ABL2: variants seen among roughly 807,000 people sequenced by gnomAD.
ABL2 encodes the protein ABL proto-oncogene 2, non-receptor tyrosine kinase.
In ABL2, 49 loss-of-function variants were observed where a neutral mutation model predicts 107.7. The ratio of observed to expected loss-of-function variants is 0.45; its 90% CI spans 0.36 to 0.58. The LOEUF (loss-of-function observed/expected upper bound fraction) is 0.58, where lower values mean the gene tolerates loss of function less well. Among genes scored for constraint, ABL2 ranks in the 20% least tolerant of loss-of-function variants. The pLI is 0.00. For synonymous variants in ABL2, 549 were observed against 548.6 expected (o/e 1.00, Z -0.01); for missense variants, 1,245 against 1,457.0 (o/e 0.85, Z 2.37).
Position 179,108,899 on chromosome 1 carries a change from C to T in ABL2, c.2368G>A (p.Gly790Arg), listed in dbSNP as rs1653752799. 6.2e-7 allele frequency: 1 copy of T among 1,614,148 alleles called. No homozygotes were observed. Among genetic ancestry groups the T allele is most frequent in the Non-Finnish European group, 8.5e-7 (1 of 1,180,032 alleles). Residue 790 changes from glycine to arginine, a missense_variant, in exon 12 of 12, where the codon GGG becomes AGG. Physicochemically the swap from Gly to Arg is moderately radical, Grantham distance 125 (BLOSUM62 -2). Coordinates refer to ENST00000502732, the MANE Select transcript of ABL2 (RefSeq NM_007314.4). ...RSNSTSSMSS[G>R]LPEQDRMAMT... ...GCCATCCTATCCTGCTCTGGAAGCC[C>T]TGAGGACATGGAAGATGTAGAGTTT...
rs1663420071 is a variant in ABL2 at position 179,229,349 on chromosome 1, G to A, written c.49C>T (p.Pro17Ser). The change falls in exon 1 of 12, where the codon CCT (proline) becomes TCT (serine). Residue 17 changes from proline to serine, a missense_variant. Physicochemically the swap from Pro to Ser is moderately conservative, Grantham distance 74. Transcript: ENST00000502732. ...RVGEAPGLQQPQPRGIRGSSA... is the reference protein window; with the variant it reads ...RVGEAPGLQQSQPRGIRGSSA... ...CTGCCCCGGATCCCGCGGGGCTGAG[G>A]CTGCTGGAGCCCCGGAGCTTCCCCG... 1.3e-6 allele frequency: 2 copies of A among 1,582,622 alleles called. No homozygotes were observed. Among genetic ancestry groups the A allele is most frequent in the East Asian group, 2.4e-5 (1 of 42,288 alleles).
chr1:179,144,317 C>T (rs576672828), intron 1 of ABL2, among the ~76,000 whole-genome samples: 5 of 151,736 alleles, frequency 3.3e-5, no homozygotes, highest in African/African-American at 7.2e-5. Flanking sequence ...AAAATTAGCC[C>T]GGCATGGTGG....
intron 1 of ABL2, among the ~76,000 whole-genome samples, chr1:179,172,536 T>C (rs1659780887): frequency 6.6e-6 from 1 of 152,184 alleles, no homozygotes; most frequent in Non-Finnish European, 1.5e-5. Flanking sequence ...CCTTAGAATG[T>C]AAAGATAATC....
At chr1:179,184,809 C>CT (rs2102806830) in intron 1 of ABL2, among the ~76,000 whole-genome samples, 1 of 152,110 alleles carries the variant, frequency 6.6e-6, no homozygotes, top group Admixed American at 6.5e-5. Context: ...CTTGAGGTCT[C>CT]TTTTCTATAC....
rs764427250 is a variant in ABL2, at chr1:179,126,489, T to C, written c.575A>G (p.Asn192Ser). 1.5e-5 allele frequency: 24 copies of C among 1,614,164 alleles called. No individual in the cohort carries two copies. Among genetic ancestry groups the C allele is most frequent in the East Asian group, 4.5e-5 (2 of 44,866 alleles). The change falls in exon 4 of 12, where the codon AAT (asparagine) becomes AGT (serine). Residue 192 changes from asparagine to serine, a missense_variant. Physicochemically the swap from Asn to Ser is conservative, Grantham distance 46 (BLOSUM62 1). Coordinates refer to ENST00000502732, the MANE Select transcript of ABL2 (RefSeq NM_007314.4). The surrounding 1 kb of genome is among the most constrained non-coding windows in gnomAD (Gnocchi z 4.4). ...AAEYLLSSLI[N>S]GSFLVRESES... ...ACTTTCTCGCACCAGGAAGCTGCCATTGATTAGACTGCTGAGCAGATACTC... is the reference window on the plus strand; with the variant it reads ...ACTTTCTCGCACCAGGAAGCTGCCACTGATTAGACTGCTGAGCAGATACTC...
At chr1:179,199,424 C>T (rs1298600487) in intron 1 of ABL2, among the ~76,000 whole-genome samples, 1 of 152,172 alleles carries the variant, frequency 6.6e-6, no homozygotes, top group East Asian at 1.9e-4. Context: ...TACTAATCTT[C>T]CTATGCAACC....
At chr1:179,188,756 G>C (rs1161005046) in intron 1 of ABL2, among the ~76,000 whole-genome samples, 1 of 152,136 alleles carries the variant, frequency 6.6e-6, no homozygotes, top group Non-Finnish European at 1.5e-5. Flanking sequence ...TAGGTGCTCA[G>C]TAACTGTTGA....
chr1:179,186,379 G>T (rs1243601287), intron 1 of ABL2, among the ~76,000 whole-genome samples: 12 of 151,902 alleles, frequency 7.9e-5, no homozygotes, highest in African/African-American at 1.2e-4. Flanking sequence ...CTTCTTTTTT[G>T]TTGTTGTTGT....
intron 6 of ABL2, 47 bp downstream of exon 6, chr1:179,120,143 G>A: frequency 7.6e-7 from 1 of 1,315,092 alleles, no homozygotes; most frequent in African/African-American, 1.5e-5. Context: ...GGGGTTAAAG[G>A]GCAAGCATTT....
chr1:179,185,035 G>A (rs937081954), intron 1 of ABL2, among the ~76,000 whole-genome samples: 2 of 152,176 alleles, frequency 1.3e-5, no homozygotes, highest in Non-Finnish European at 2.9e-5. Context: ...CTGTGTAGTA[G>A]TACACAGAAT....
chr1:179,108,939 C>T lies in ABL2; in HGVS notation c.2328G>A (p.Lys776=). Residue 776 remains lysine, a synonymous_variant, in exon 12 of 12, where the codon AAG becomes AAA. Transcript: ENST00000502732. ...GKPTASDDTS[K]PFPRSNSTSS... ...ATGTAGAGTTTGACCTTGGAAAAGG[C>T]TTGGAAGTGTCATCACTGGCTGTGG... 1 of 1,614,152 alleles carries T rather than the reference C, an allele frequency of 6.2e-7. No homozygotes were observed. The highest frequency in any genetic ancestry group is 8.5e-7 in the Non-Finnish European group (1 of 1,180,026).
At chr1:179,132,791 C>T (rs1656471011) in intron 2 of ABL2, among the ~76,000 whole-genome samples, 1 of 151,684 alleles carries the variant, frequency 6.6e-6, no homozygotes, top group South Asian at 2.1e-4. Flanking sequence ...ATCCACCCGC[C>T]TCAGCCTCCC....
chr1:179,124,173 G>A (rs543467933), intron 4 of ABL2, among the ~76,000 whole-genome samples: 30 of 151,646 alleles, frequency 2.0e-4, no homozygotes, highest in African/African-American at 6.3e-4. Context: ...CCTGGGAGGC[G>A]GAACTTGCAG....
intron 1 of ABL2, among the ~76,000 whole-genome samples, chr1:179,195,933 A>G (rs1661284014): frequency 6.6e-6 from 1 of 152,242 alleles, no homozygotes; most frequent in Non-Finnish European, 1.5e-5. Context: ...TCAGTCTGGA[A>G]GAAGAAAAGA....
At chr1:179,116,092 G>A (rs1338119073) in intron 8 of ABL2, among the ~76,000 whole-genome samples, 1 of 152,154 alleles carries the variant, frequency 6.6e-6, no homozygotes, top group Non-Finnish European at 1.5e-5. Context: ...CCTAATGTGA[G>A]GCTGAGCACA....
At chr1:179,110,145 C>T in intron 11 of ABL2, 137 bp downstream of exon 11, 1 of 1,036,600 alleles carries the variant, frequency 9.6e-7, no homozygotes, top group Non-Finnish European at 1.5e-6. Context: ...TAGCCAAGGG[C>T]TTCATGGGTG....
rs1007091039 is a variant in ABL2, at chr1:179,103,274, T to C, written c.*4444A>G. ...TACCTGTTAAGCAGTTTCATATTTCTAAATGTGATAAATGACAGAGGTGAT... is the reference window on the plus strand; with the variant it reads ...TACCTGTTAAGCAGTTTCATATTTCCAAATGTGATAAATGACAGAGGTGAT... On this transcript the variant is annotated 3_prime_UTR_variant, in exon 12 of 12. Coordinates refer to ENST00000502732, the MANE Select transcript of ABL2 (RefSeq NM_007314.4). 15 of 207,428 alleles carry C rather than the reference T, an allele frequency of 7.2e-5. No individual in the cohort carries two copies. Among genetic ancestry groups the C allele is most frequent in the African/African-American group, 3.2e-4 (14 of 43,974 alleles). The allele number at this position is 207,428 out of a possible 1,614,324, so 12.8% of individuals were successfully genotyped here. A position where few individuals can be genotyped will look rare whatever the true frequency, so the allele number is the denominator to read the frequency against.
chr1:179,140,619 CTGAA>C (rs753105484), intron 1 of ABL2, among the ~76,000 whole-genome samples: 6 of 152,164 alleles, frequency 3.9e-5, no homozygotes, highest in Non-Finnish European at 8.8e-5. Flanking sequence ...AAAAGATTTG[CTGAA>C]TGAATGAACT....
intron 1 of ABL2, among the ~76,000 whole-genome samples, chr1:179,174,920 A>AAAAATAAT (rs1659958398): frequency 8.1e-6 from 1 of 122,872 alleles, no homozygotes. Flanking sequence ...AAAATAAAAA[A>AAAAATAAT]AATAATAATA....
Sources: gnomAD v4.1 joint callset for allele counts (sites outside exome capture counted in the v4.1 genomes callset) on GRCh38, gnomAD v4.1.1 for gene constraint, Gnocchi (gnomAD v3.1) non-coding constraint, MANE v1.5 for transcripts, NCBI Gene and HGNC (gene_info 2026-07-23, HGNC 2026-07-21) for gene names.